Variants in PKIB observed in about 807,000 individuals in gnomAD.
PKIB encodes the protein cAMP-dependent protein kinase inhibitor beta.
In PKIB, 2 loss-of-function variants were observed where a neutral mutation model predicts 4.5. That is an observed-to-expected ratio of 0.44 (90% CI 0.18 to 1.39). The LOEUF is 1.39. PKIB is among the 40% of genes most tolerant of loss of function. The probability of loss-of-function intolerance (pLI) is 0.27; values close to 1 mark genes in which losing one functional copy is unlikely to be tolerated. For missense variants in PKIB, 94 were observed against 92.6 expected, an observed-to-expected ratio of 1.02 and a Z score of -0.06; for synonymous variants, 38 against 36.0, an observed-to-expected ratio of 1.06 and a Z score of -0.20.
chr6:122,609,473 G>A (rs987715710), upstream of PKIB, among the ~76,000 whole-genome samples: 9 of 151,922 alleles, frequency 5.9e-5, no homozygotes, highest in African/African-American at 2.2e-4. Context: ...TTATATTTTC[G>A]TATTTCCATA....
chr6:122,704,287 T>A (rs556931522), intron 3 of PKIB, among the ~76,000 whole-genome samples: 1 of 152,220 alleles, frequency 6.6e-6, no homozygotes, highest in South Asian at 2.1e-4. Flanking sequence ...CAGATGTTAA[T>A]CTTTTCTGGA....
intron 2 of PKIB, among the ~76,000 whole-genome samples, chr6:122,492,950 A>G (rs1330479812): frequency 1.3e-5 from 2 of 152,068 alleles, no homozygotes; most frequent in Non-Finnish European, 2.9e-5. Flanking sequence ...GACTTTTATT[A>G]CTTCTACTCT....
chr6:122,690,939 T>A (rs867078130), intron 3 of PKIB, among the ~76,000 whole-genome samples: 3 of 149,748 alleles, frequency 2.0e-5, no homozygotes, highest in African/African-American at 7.3e-5. Flanking sequence ...TATATTTTTT[T>A]TTTTTTTTGC....
intron 2 of PKIB, among the ~76,000 whole-genome samples, chr6:122,539,827 C>T (rs371605964): frequency 3.3e-5 from 5 of 151,664 alleles, no homozygotes; most frequent in Non-Finnish European, 4.4e-5. Flanking sequence ...TTTTTTGGTT[C>T]GTAAGCTATT....
At chr6:122,541,367 G>A (rs1777592797) in intron 2 of PKIB, among the ~76,000 whole-genome samples, 1 of 151,410 alleles carries the variant, frequency 6.6e-6, no homozygotes, top group East Asian at 1.9e-4. Context: ...AGCTCTTTTA[G>A]GGCAGGCCTG....
chr6:122,631,475 A>G (rs532668883), intron 1 of PKIB, among the ~76,000 whole-genome samples: 4 of 152,310 alleles, frequency 2.6e-5, no homozygotes, highest in South Asian at 4.1e-4. Context: ...TAAGAGTGTG[A>G]TCACAGATAC....
chr6:122,539,113 C>G (rs1323449764), intron 2 of PKIB, among the ~76,000 whole-genome samples: 4 of 152,218 alleles, frequency 2.6e-5, no homozygotes, highest in Admixed American at 2.6e-4. Flanking sequence ...GATATACAAT[C>G]AATTCATCTG....
chr6:122,555,329 C>T (rs191543034), intron 2 of PKIB, among the ~76,000 whole-genome samples: 2 of 152,156 alleles, frequency 1.3e-5, no homozygotes, highest in African/African-American at 2.4e-5. Flanking sequence ...TTCTAGGAAA[C>T]GTGAGGAATC....
intron 2 of PKIB, among the ~76,000 whole-genome samples, chr6:122,554,396 T>C (rs1772777559): frequency 6.6e-6 from 1 of 152,216 alleles, no homozygotes; most frequent in Non-Finnish European, 1.5e-5. Flanking sequence ...AATAGAAATA[T>C]AATGTTAAAT....
At chr6:122,521,981 A>G (rs956212368) in intron 2 of PKIB, among the ~76,000 whole-genome samples, 6 of 152,126 alleles carry the variant, frequency 3.9e-5, no homozygotes, top group African/African-American at 1.4e-4. Context: ...TGCACTGAAC[A>G]TTCATTAGCA....
chr6:122,561,994 G>GTTTTTTTTTTTTTTTTT lies in PKIB; in HGVS notation c.-247-23918_-247-23917insTTTTTTTTTTTTTTTTT. Among the ~76,000 whole-genome samples the GTTTTTTTTTTTTTTTTT allele has an allele frequency of 1.9e-3, 78 of 40,880 alleles. 10 individuals carry two copies. Among genetic ancestry groups the GTTTTTTTTTTTTTTTTT allele is most frequent in the Admixed American group, 2.6e-3 (7 of 2,712 alleles). The allele number at this position is 40,880 out of a possible 152,430, so 26.8% of individuals were successfully genotyped here. A position where few individuals can be genotyped will look rare whatever the true frequency, so the allele number is the denominator to read the frequency against. On this transcript the variant is annotated intron_variant, in intron 2 of 6. Coordinates refer to the PKIB transcript ENST00000392491. ...GCATAGTTTTTTTTTGTTTGTTTTT[G>GTTTTTTTTTTTTTTTTT]TTTTTTTTTGTTTTTTTTTTTTTTT...
At chr6:122,616,675 G>A (rs953142413) in intron 1 of PKIB, among the ~76,000 whole-genome samples, 1 of 151,876 alleles carries the variant, frequency 6.6e-6, no homozygotes, top group Non-Finnish European at 1.5e-5. Context: ...TTTTCAATCT[G>A]TAGTAGAAGC....
At chr6:122,568,938 T>C (rs892466811) in intron 2 of PKIB, among the ~76,000 whole-genome samples, 4 of 152,108 alleles carry the variant, frequency 2.6e-5, no homozygotes, top group African/African-American at 9.7e-5. Context: ...AGTGGAGCAC[T>C]GTGGGAGTGA....
rs140785059 is a variant in PKIB at position 122,593,174 on chromosome 6, T to C, written c.-161+7167T>C. Among the ~76,000 whole-genome samples the C allele has an allele frequency of 1.6e-3, 251 of 152,308 alleles. 3 individuals are homozygous for C. Among genetic ancestry groups the C allele is most frequent in the African/African-American group, 5.6e-3 (231 of 41,572 alleles). ...CACCAGGCCAACTGTGTCTACAGATTTGTGCACATAGGTTTTGGAGAAAAT... is the reference window on the plus strand; with the variant it reads ...CACCAGGCCAACTGTGTCTACAGATCTGTGCACATAGGTTTTGGAGAAAAT... On this transcript the variant is annotated intron_variant, in intron 3 of 6. Coordinates refer to the PKIB transcript ENST00000392491.
chr6:122,523,215 A>G (rs1776996336), intron 2 of PKIB, among the ~76,000 whole-genome samples: 1 of 152,096 alleles, frequency 6.6e-6, no homozygotes, highest in African/African-American at 2.4e-5. Context: ...AGTTTGTTGA[A>G]TCTTGTCAGA....
intron 2 of PKIB, among the ~76,000 whole-genome samples, chr6:122,547,391 A>G (rs1422558099): frequency 6.6e-6 from 1 of 152,034 alleles, no homozygotes; most frequent in Non-Finnish European, 1.5e-5. Context: ...GCTGGAGTGC[A>G]ATGGCACGAT....
At chr6:122,670,298 T>A (rs2114941347) in intron 2 of PKIB, among the ~76,000 whole-genome samples, 1 of 152,094 alleles carries the variant, frequency 6.6e-6, no homozygotes, top group African/African-American at 2.4e-5. Flanking sequence ...TCTATTTCTA[T>A]AGAAAGGGGG....
chr6:122,629,011 T>C (rs2114812848), intron 1 of PKIB, among the ~76,000 whole-genome samples: 1 of 152,312 alleles, frequency 6.6e-6, no homozygotes, highest in South Asian at 2.1e-4. Flanking sequence ...GCAGGTTCTT[T>C]ATGCCCTGCA....
chr6:122,683,712 T>C (rs1777988771), intron 3 of PKIB, among the ~76,000 whole-genome samples: 2 of 152,162 alleles, frequency 1.3e-5, no homozygotes, highest in Non-Finnish European at 2.9e-5. Context: ...TAAATCAGTT[T>C]TTTCGTAAAG....
Sources: gnomAD v4.1 joint callset for allele counts (sites outside exome capture counted in the v4.1 genomes callset) on GRCh38, gnomAD v4.1.1 for gene constraint, MANE v1.5 for transcripts, NCBI Gene and HGNC (gene_info 2026-07-23, HGNC 2026-07-21) for gene names.